CAPN1: variants seen among roughly 807,000 people sequenced by gnomAD.
CAPN1 encodes the protein calpain-1 catalytic subunit.
A neutral mutation model predicts 105.2 loss-of-function variants in CAPN1; 77 were observed. That is an observed-to-expected ratio of 0.73 (90% confidence interval 0.61 to 0.88). The LOEUF (loss-of-function observed/expected upper bound fraction) is 0.88. Ranked by LOEUF, CAPN1 falls within the 40% of genes least tolerant of loss-of-function variation. CAPN1 has a pLI of 0.00. For missense variants in CAPN1, 833 were observed against 976.6 expected (o/e 0.85, Z 1.96); for synonymous variants, 355 against 388.8 (o/e 0.91, Z 1.02).
chr11:65,182,491 C>A, intron 1 of CAPN1: 1 of 550,192 alleles, frequency 1.8e-6, no homozygotes, highest in Non-Finnish European at 3.1e-6. Flanking sequence ...GTGGCCGGCA[C>A]GCCTGGGAAC....
At chr11:65,193,679 G>A (rs796490731) in intron 10 of CAPN1, among the ~76,000 whole-genome samples, 7 of 144,032 alleles carry the variant, frequency 4.9e-5, no homozygotes, top group African/African-American at 1.8e-4. Context: ...TTTTGACTTT[G>A]TTGGTCCTTT....
At chr11:65,206,397 G>A in intron 12 of CAPN1, 66 bp from the exon 13 acceptor site, 1 of 1,279,572 alleles carries the variant, frequency 7.8e-7, no homozygotes, top group Admixed American at 1.7e-5. Flanking sequence ...GTCTGGGTCT[G>A]GGGGTGGCCC....
intron 11 of CAPN1, 47 bp downstream of exon 11, chr11:65,204,905 C>T: frequency 5.9e-6 from 9 of 1,527,422 alleles, no homozygotes; most frequent in Non-Finnish European, 8.1e-6. Context: ...AGGCAGAGGA[C>T]CTGGCGCCCC....
chr11:65,182,326 G>T (rs1442595783), intron 1 of CAPN1: 1 of 151,176 alleles, frequency 6.6e-6, no homozygotes, highest in Admixed American at 8.0e-5. Flanking sequence ...TGGGGAGGGG[G>T]TTGCAGGCCT....
intron 1 of CAPN1, 72 bp from the exon 2 acceptor site, chr11:65,182,629 A>G (rs1475776545): frequency 2.8e-6 from 4 of 1,428,944 alleles, no homozygotes; most frequent in Non-Finnish European, 3.7e-6. Flanking sequence ...AGGAGAGCAG[A>G]GCTTGCAGGC....
chr11:65,202,151 A>T (rs1046384773), intron 10 of CAPN1, among the ~76,000 whole-genome samples: 10 of 152,114 alleles, frequency 6.6e-5, no homozygotes, highest in African/African-American at 2.4e-4. Context: ...TTCATTGCTG[A>T]CATTCCTGAC....
intron 12 of CAPN1, chr11:65,205,989 G>C: frequency 3.6e-6 from 2 of 550,226 alleles, no homozygotes; most frequent in Middle Eastern, 4.8e-4. Flanking sequence ...TTCCTGCCTT[G>C]CCATCTACAC....
At chr11:65,206,162 A>G (rs1948954091) in intron 12 of CAPN1, 1 of 551,776 alleles carries the variant, frequency 1.8e-6, no homozygotes, top group African/African-American at 1.9e-5. Context: ...AGTACCCTGC[A>G]GTACCTGACC....
At chr11:65,205,413 T>G (rs543307039) in intron 11 of CAPN1, among the ~76,000 whole-genome samples, 4 of 152,160 alleles carry the variant, frequency 2.6e-5, no homozygotes, top group Non-Finnish European at 5.9e-5. Context: ...GGTGGCCCTT[T>G]CCTGTCCCTG....
At chr11:65,196,757 T>C (rs1565405791) in intron 10 of CAPN1, among the ~76,000 whole-genome samples, 1 of 152,162 alleles carries the variant, frequency 6.6e-6, no homozygotes, top group East Asian at 1.9e-4. Context: ...TTTTAAAACA[T>C]AAAAAAATTT....
chr11:65,204,980 C>G (rs1590864055), intron 11 of CAPN1, 122 bp downstream of exon 11: 2 of 748,866 alleles, frequency 2.7e-6, no homozygotes, highest in East Asian at 5.3e-5. Flanking sequence ...CCCACAAATT[C>G]CCCTCCACTC....
intron 6 of CAPN1, among the ~76,000 whole-genome samples, chr11:65,186,647 A>G (rs1273967767): frequency 6.6e-6 from 1 of 151,930 alleles, no homozygotes; most frequent in Non-Finnish European, 1.5e-5. Flanking sequence ...CCAGTTCACC[A>G]GCCTCAGATT....
rs549910424 is a variant in CAPN1 at position 65,210,514 on chromosome 11, G to A, written c.2059+62G>A. On this transcript the variant is annotated intron_variant, in intron 20 of 21. Transcript: ENST00000279247. The surrounding 1 kb of genome is among the most constrained non-coding windows in gnomAD (Gnocchi z 4.3). ...GTCCCAAACGCGTCCCCCAGGAGCT[G>A]GGGGGAATGACAGATGGGTGAATTA... The A allele has an allele frequency of 2.0e-6, 2 of 999,828 alleles. No individual in the cohort carries two copies. The highest frequency in any genetic ancestry group is 2.7e-5 in the South Asian group (2 of 74,382). 61.9% of individuals were successfully genotyped at this position (999,828 alleles called of 1,614,324 possible). A position where few individuals can be genotyped will look rare whatever the true frequency, so the allele number is the denominator to read the frequency against.
Position 65,208,086 on chromosome 11 carries a change from A to G in CAPN1, c.1637A>G (p.Asn546Ser). The G allele has an allele frequency of 6.2e-7, 1 of 1,606,694 alleles. No homozygotes were observed. Residue 546 changes from asparagine to serine, a missense_variant, in exon 15 of 22, where the codon AAC becomes AGC. Coordinates refer to ENST00000279247, the MANE Select transcript of CAPN1 (RefSeq NM_005186.4). The surrounding 1 kb of genome is among the most constrained non-coding windows in gnomAD (Gnocchi z 4.1). ...QVLSEEEIDE[N>S]FKALFRQLAG... ...CTCTCAGAAGAGGAGATTGACGAGA[A>G]CTTCAAGGCCCTCTTCAGGCAGCTG...
At chr11:65,191,151 C>A (rs1948713716) in intron 10 of CAPN1, among the ~76,000 whole-genome samples, 1 of 152,174 alleles carries the variant, frequency 6.6e-6, no homozygotes. Context: ...AATTTTAAGT[C>A]TTATCCAAGG....
At position 65,209,690 on chromosome 11, in the gene CAPN1, A is replaced by G. The variant is rs981591911; in HGVS notation, c.1795-159A>G. ...TGCAGCCCAGCTCAGAGAATAAGGCAAGCCCGGCTGTGGGCTGACTGTACA... is the reference window on the plus strand; with the variant it reads ...TGCAGCCCAGCTCAGAGAATAAGGCGAGCCCGGCTGTGGGCTGACTGTACA... On this transcript the variant is annotated intron_variant, in intron 17 of 21. Coordinates refer to ENST00000279247, the MANE Select transcript of CAPN1 (RefSeq NM_005186.4). This position sits in a 1 kb window ranked among gnomAD's most constrained non-coding sequence, Gnocchi z 4.1. 1.4e-6 allele frequency: 1 copy of G among 737,164 alleles called. No individual in the cohort carries two copies. The highest frequency in any genetic ancestry group is 1.8e-5 in the African/African-American group (1 of 57,122). The allele number at this position is 737,164 out of a possible 1,614,324, so 45.7% of individuals were successfully genotyped here.
rs185432398 is a variant in CAPN1, at chr11:65,199,743, T to G, written c.1166-4940T>G. On this transcript the variant is annotated intron_variant, in intron 10 of 21. Coordinates refer to ENST00000279247, the MANE Select transcript of CAPN1 (RefSeq NM_005186.4). ...GAACTTAATTTCAATTTTAAAAATT[T>G]TGTTTCTAGAAGATGTAATGGATCT... is the stretch of plus-strand genomic sequence containing the variant. Among the ~76,000 whole-genome samples, 199 of 152,364 alleles carry G rather than the reference T, an allele frequency of 1.3e-3. 4 individuals are homozygous for G. Among genetic ancestry groups the G allele is most frequent in the Admixed American group, 0.011 (168 of 15,304 alleles).
intron 10 of CAPN1, among the ~76,000 whole-genome samples, chr11:65,196,719 G>A (rs754504866): frequency 2.0e-5 from 3 of 151,770 alleles, no homozygotes; most frequent in South Asian, 4.2e-4. Context: ...ATCTCTTTCC[G>A]ATAAACTAGT....
chr11:65,204,849 G>C lies in CAPN1; in HGVS notation c.1332G>C (p.Ala444=), dbSNP rs374582196. The change falls in exon 11 of 22, where the codon GCG becomes GCC. Residue 444 remains alanine, a synonymous_variant. Coordinates refer to ENST00000279247, the MANE Select transcript of CAPN1 (RefSeq NM_005186.4). ...GCGACATGGAGACTATTGGCTTCGC[G>C]GTCTACGAGGTCAGGAGGGTGGATC... is the stretch of plus-strand genomic sequence containing the variant. The part of the protein sequence containing the change: ...FGRDMETIGF[A]VYEVPPELVG... 70 of 1,607,260 alleles carry C rather than the reference G, an allele frequency of 4.4e-5. No homozygotes were observed. In the East Asian group the frequency reaches 1.0e-3, roughly 23 times the overall value.
Sources: allele counts gnomAD v4.1 joint callset (sites outside exome capture counted in the v4.1 genomes callset), GRCh38; gene constraint gnomAD v4.1.1; non-coding constraint Gnocchi (gnomAD v3.1); transcripts MANE v1.5; gene names NCBI Gene and HGNC (gene_info 2026-07-23, HGNC 2026-07-21).